OSBPL8: variants seen among roughly 807,000 people sequenced by gnomAD.
OSBPL8 encodes the protein oxysterol-binding protein-related protein 8.
In OSBPL8, 59 loss-of-function variants were observed where a neutral mutation model predicts 125.5. The observed-to-expected ratio is 0.47, with a 90% CI of 0.38 to 0.58. The LOEUF (loss-of-function observed/expected upper bound fraction) is 0.58. OSBPL8 is among the 20% of genes least tolerant of loss of function. The probability of loss-of-function intolerance (pLI) is 0.00; values close to 1 mark genes in which losing one functional copy is unlikely to be tolerated. For missense variants in OSBPL8, 758 were observed against 1,047.8 expected, an observed-to-expected ratio of 0.72 and a Z score of 3.82; for synonymous variants, 330 against 338.9, an observed-to-expected ratio of 0.97 and a Z score of 0.29.
chr12:76,456,982 G>C (rs995816918), intron 3 of OSBPL8, among the ~76,000 whole-genome samples: 26 of 152,126 alleles, frequency 1.7e-4, no homozygotes, highest in African/African-American at 6.0e-4. Flanking sequence ...CTTCTTGGGA[G>C]CAACCGAAGC....
chr12:76,523,896 C>A (rs941781197), intron 1 of OSBPL8, among the ~76,000 whole-genome samples: 1 of 152,098 alleles, frequency 6.6e-6, no homozygotes, highest in African/African-American at 2.4e-5. Context: ...TCATTTAACT[C>A]AAAAAACAAA....
intron 9 of OSBPL8, among the ~76,000 whole-genome samples, chr12:76,393,463 C>A (rs548835667): frequency 6.6e-6 from 1 of 152,158 alleles, no homozygotes; most frequent in South Asian, 2.1e-4. Context: ...GTAATCCCAG[C>A]ACTTTGGGAG....
intron 1 of OSBPL8, among the ~76,000 whole-genome samples, chr12:76,556,854 C>T (rs908202898): frequency 1.3e-4 from 20 of 151,990 alleles, no homozygotes; most frequent in Admixed American, 5.2e-4. Flanking sequence ...TTAGTAGAGA[C>T]GGGGTTTCAC....
chr12:76,542,223 C>T (rs1950665686), intron 1 of OSBPL8, among the ~76,000 whole-genome samples: 1 of 152,198 alleles, frequency 6.6e-6, no homozygotes, highest in African/African-American at 2.4e-5. Context: ...TACTTCACCA[C>T]TCCCTCCCTT....
At chr12:76,540,768 ACACATG>A (rs1278442830) in intron 1 of OSBPL8, among the ~76,000 whole-genome samples, 1 of 152,084 alleles carries the variant, frequency 6.6e-6, no homozygotes, top group Non-Finnish European at 1.5e-5. Context: ...ACACACACAT[ACACATG>A]CACACAACTC....
chr12:76,356,848 G>C, intron 22 of OSBPL8, 120 bp from the exon 23 acceptor site: 1 of 609,082 alleles, frequency 1.6e-6, no homozygotes, highest in Non-Finnish European at 2.8e-6. Flanking sequence ...GATTAGCATA[G>C]TAATATGAAT....
intron 5 of OSBPL8, among the ~76,000 whole-genome samples, chr12:76,410,141 G>A (rs537042948): frequency 6.2e-4 from 94 of 152,194 alleles, no homozygotes; most frequent in African/African-American, 2.2e-3. Flanking sequence ...CTAAGAAAAT[G>A]TCTGTCAATA....
intron 8 of OSBPL8, among the ~76,000 whole-genome samples, chr12:76,397,350 G>A (rs1397113579): frequency 7.0e-6 from 1 of 143,260 alleles, no homozygotes. Context: ...GGTGGGGAGG[G>A]GGGGTGGGGG....
intron 4 of OSBPL8, among the ~76,000 whole-genome samples, chr12:76,428,335 T>C (rs980731180): frequency 5.3e-5 from 8 of 151,958 alleles, no homozygotes; most frequent in Non-Finnish European, 1.0e-4. Flanking sequence ...GGAAGATAGC[T>C]CATTGGAAAA....
intron 1 of OSBPL8, among the ~76,000 whole-genome samples, chr12:76,521,757 G>A (rs1468203861): frequency 6.6e-6 from 1 of 152,186 alleles, no homozygotes; most frequent in African/African-American, 2.4e-5. Context: ...AAATTGTAGA[G>A]ACAGAAAGTG....
intron 4 of OSBPL8, among the ~76,000 whole-genome samples, chr12:76,415,467 C>T (rs773100235): frequency 1.3e-5 from 2 of 152,058 alleles, no homozygotes; most frequent in Non-Finnish European, 2.9e-5. Flanking sequence ...AGGCCGGTCT[C>T]GAACTCCTGA....
intron 8 of OSBPL8, 117 bp from the exon 9 acceptor site, chr12:76,394,846 G>T: frequency 1.5e-6 from 1 of 659,378 alleles, no homozygotes; most frequent in Non-Finnish European, 2.3e-6. Context: ...TAATCTAAAG[G>T]CAAATGAGCT....
Position 76,542,501 on chromosome 12 carries a change from A to G in OSBPL8, c.-68+16896T>C, listed in dbSNP as rs182720042. 1.5e-3 allele frequency among the ~76,000 whole-genome samples: 232 copies of G among 152,332 alleles called. 1 individual carries two copies. The highest frequency in any genetic ancestry group is 2.0e-3 in the Non-Finnish European group (139 of 68,018). On this transcript the variant is annotated intron_variant, in intron 1 of 23. Coordinates refer to ENST00000261183, the MANE Select transcript of OSBPL8 (RefSeq NM_020841.5). Reference sequence around the variant, plus strand: ...TCATCTGGAGGGCTTGCTCCAAAACAGATTTCTGACACCCACCCCCAAAGT... The same window carrying G: ...TCATCTGGAGGGCTTGCTCCAAAACGGATTTCTGACACCCACCCCCAAAGT...
chr12:76,451,140 C>A, intron 3 of OSBPL8, 152 bp from the exon 4 acceptor site: 1 of 868,306 alleles, frequency 1.2e-6, no homozygotes, highest in Non-Finnish European at 1.7e-6. Context: ...TCACAGTCAT[C>A]TTGTTTTCAT....
At chr12:76,511,357 C>T (rs1199593529) in intron 1 of OSBPL8, among the ~76,000 whole-genome samples, 1 of 152,176 alleles carries the variant, frequency 6.6e-6, no homozygotes, top group Non-Finnish European at 1.5e-5. Context: ...TACATTCCCA[C>T]CAACAGTGTA....
At chr12:76,419,300 C>CAATG (rs1869163851) in intron 4 of OSBPL8, among the ~76,000 whole-genome samples, 1 of 152,138 alleles carries the variant, frequency 6.6e-6, no homozygotes, top group Non-Finnish European at 1.5e-5. Flanking sequence ...GTGTACCTAC[C>CAATG]TGTTACATAA....
chr12:76,386,449 G>A, intron 13 of OSBPL8, 130 bp downstream of exon 13: 1 of 1,273,756 alleles, frequency 7.9e-7, no homozygotes, highest in East Asian at 2.6e-5. Flanking sequence ...TAAATGATCA[G>A]GTATTTTGCA....
chr12:76,529,760 T>C (rs1232446088), intron 1 of OSBPL8, among the ~76,000 whole-genome samples: 1 of 151,924 alleles, frequency 6.6e-6, no homozygotes, highest in Non-Finnish European at 1.5e-5. Flanking sequence ...GACAGTAGAG[T>C]CTGGATTTTA....
rs1225619139 is a variant in OSBPL8, at chr12:76,353,698, A to T, written c.*2191T>A. 1 of 152,454 alleles carries T rather than the reference A, an allele frequency of 6.6e-6. No individual in the cohort carries two copies. The highest frequency in any genetic ancestry group is 1.5e-5 in the Non-Finnish European group (1 of 67,860). 9.4% of individuals were successfully genotyped at this position (152,454 alleles called of 1,614,324 possible). On this transcript the variant is annotated 3_prime_UTR_variant, in exon 24 of 24. Coordinates refer to ENST00000261183, the MANE Select transcript of OSBPL8 (RefSeq NM_020841.5). ...CCTGAGTTTTGTGTTCAGTTCATAGAAAGAGACTCATACAACTAAAAGCAT... is the reference window on the plus strand; with the variant it reads ...CCTGAGTTTTGTGTTCAGTTCATAGTAAGAGACTCATACAACTAAAAGCAT...
Sources: allele counts gnomAD v4.1 joint callset (sites outside exome capture counted in the v4.1 genomes callset), GRCh38; gene constraint gnomAD v4.1.1; transcripts MANE v1.5; gene names NCBI Gene and HGNC (gene_info 2026-07-23, HGNC 2026-07-21).